RGS6: variants seen among roughly 807,000 people sequenced by gnomAD.
The protein encoded by RGS6 is regulator of G-protein signaling 6.
A neutral mutation model predicts 78.5 loss-of-function variants in RGS6; 30 were observed. The observed-to-expected ratio is 0.38, with a 90% CI of 0.29 to 0.52. The LOEUF (loss-of-function observed/expected upper bound fraction) is 0.52. Among genes scored for constraint, RGS6 ranks in the 20% least tolerant of loss-of-function variants. The pLI is 0.85. For synonymous variants in RGS6, 206 were observed against 206.0 expected, an observed-to-expected ratio of 1.00 and a Z score of 0.00; for missense variants, 495 against 609.7, an observed-to-expected ratio of 0.81 and a Z score of 1.98.
intron 17 of RGS6, chr14:72,541,564 G>T: frequency 6.5e-7 from 1 of 1,535,684 alleles, no homozygotes; most frequent in Non-Finnish European, 8.7e-7. Flanking sequence ...AGCTGCCACG[G>T]GCTGTCAGAG....
intron 2 of RGS6, among the ~76,000 whole-genome samples, chr14:72,194,359 C>G (rs2039489619): frequency 6.6e-6 from 1 of 152,160 alleles, no homozygotes; most frequent in African/African-American, 2.4e-5. Flanking sequence ...GGAACTTACA[C>G]TTTATTATTT....
At chr14:72,312,225 G>GTTTTT (rs386364170) in intron 2 of RGS6, among the ~76,000 whole-genome samples, 2 of 128,922 alleles carry the variant, frequency 1.6e-5, no homozygotes, top group Non-Finnish European at 1.7e-5. Context: ...CTGAGAAATT[G>GTTTTT]TTTTTTTTTT....
At chr14:72,141,355 C>T (rs2096536974) in intron 2 of RGS6, among the ~76,000 whole-genome samples, 1 of 152,194 alleles carries the variant, frequency 6.6e-6, no homozygotes, top group African/African-American at 2.4e-5. Flanking sequence ...TCTGTCTCTT[C>T]TGCATACCTC....
intron 8 of RGS6, among the ~76,000 whole-genome samples, chr14:72,470,345 T>G (rs966698002): frequency 2.0e-5 from 3 of 152,246 alleles, no homozygotes; most frequent in East Asian, 3.8e-4. Flanking sequence ...TATAAGAAGG[T>G]GTACCTATTT....
At chr14:72,324,568 ATTGT>A (rs1386674081) in intron 2 of RGS6, among the ~76,000 whole-genome samples, 3 of 150,050 alleles carry the variant, frequency 2.0e-5, no homozygotes, top group African/African-American at 7.4e-5. Context: ...AAGTGTACTC[ATTGT>A]TCAATTCCCA....
chr14:72,243,626 A>G (rs1322284770), intron 2 of RGS6, among the ~76,000 whole-genome samples: 1 of 152,086 alleles, frequency 6.6e-6, no homozygotes, highest in Non-Finnish European at 1.5e-5. Context: ...AGCCAGATAA[A>G]CTCTTTCCTT....
chr14:72,193,636 G>T (rs1201214957), intron 2 of RGS6, among the ~76,000 whole-genome samples: 2 of 152,176 alleles, frequency 1.3e-5, no homozygotes, highest in African/African-American at 4.8e-5. Context: ...GTGGTATGGA[G>T]AAAAAGAAAT....
intron 15 of RGS6, among the ~76,000 whole-genome samples, chr14:72,535,031 T>C (rs901283767): frequency 2.0e-5 from 3 of 152,226 alleles, no homozygotes; most frequent in African/African-American, 7.2e-5. Context: ...AGCCAAGCTT[T>C]CCTGTGCAGC....
chr14:72,320,601 A>T (rs530303726), intron 2 of RGS6, among the ~76,000 whole-genome samples: 2 of 151,772 alleles, frequency 1.3e-5, no homozygotes, highest in Admixed American at 1.3e-4. Flanking sequence ...AAATTAAAAA[A>T]TAAAAAATAA....
the RGS6 span, among the ~76,000 whole-genome samples, chr14:72,628,517 C>T: frequency 3.0e-4 from 45 of 152,052 alleles, no homozygotes; most frequent in Non-Finnish European, 1.5e-4. Context: ...CAACCCCTAA[C>T]AAAATAGTCA....
chr14:72,625,993 T>C, the RGS6 span, among the ~76,000 whole-genome samples: 1 of 152,226 alleles, frequency 6.6e-6, no homozygotes, highest in South Asian at 2.1e-4. Flanking sequence ...GTTATTTCTG[T>C]CCTTAGCTTT....
At chr14:72,519,824 A>G (rs973825066) in intron 15 of RGS6, among the ~76,000 whole-genome samples, 7 of 152,210 alleles carry the variant, frequency 4.6e-5, no homozygotes, top group African/African-American at 1.7e-4. Context: ...CCCTGCATGA[A>G]CAAGCTGAAG....
chr14:72,035,079 A>C (rs2091484103), intron 2 of RGS6, among the ~76,000 whole-genome samples: 1 of 152,102 alleles, frequency 6.6e-6, no homozygotes, highest in Non-Finnish European at 1.5e-5. Flanking sequence ...CCATTACTGT[A>C]TAGGAAAATA....
chr14:72,594,720 T>G, the RGS6 span: 1 of 152,168 alleles, frequency 6.6e-6, no homozygotes, highest in Non-Finnish European at 1.5e-5. Context: ...ACCTCAGTTG[T>G]GTTGAATTAA....
At chr14:72,560,839 T>TGTGTGTGTGTGTGTG (rs202222579) in intron 17 of RGS6, among the ~76,000 whole-genome samples, 5 of 142,492 alleles carry the variant, frequency 3.5e-5, no homozygotes, top group South Asian at 2.2e-4. Flanking sequence ...TGTGTGTGTG[T>TGTGTGTGTGTGTGTG]TTAAGATGGG....
chr14:72,599,421 T>TGAGACAGAGTC, the RGS6 span, among the ~76,000 whole-genome samples: 1 of 131,298 alleles, frequency 7.6e-6, no homozygotes, highest in African/African-American at 2.9e-5. Context: ...TTTTTTTTTT[T>TGAGACAGAGTC]TTTTTGAGAC....
In RGS6 at chr14:72,064,151, T is replaced by A. The variant is rs562852132; in HGVS notation, c.84+99276T>A. On this transcript the variant is annotated intron_variant, in intron 2 of 17. Coordinates refer to ENST00000553525, the MANE Select transcript of RGS6 (RefSeq NM_001204424.2). Reference sequence around the variant, plus strand: ...TAGGGCACTTGCAAGGGAGCAATTTTTGGGAGTGCCAAAGGCCAGGCTGGA... The same window carrying A: ...TAGGGCACTTGCAAGGGAGCAATTTATGGGAGTGCCAAAGGCCAGGCTGGA... 3.8e-3 allele frequency among the ~76,000 whole-genome samples: 577 copies of A among 152,014 alleles called. 1 individual carries two copies. The highest frequency in any genetic ancestry group is 0.014 in the African/African-American group (564 of 41,470).
intron 12 of RGS6, among the ~76,000 whole-genome samples, chr14:72,490,371 T>C (rs1380799182): frequency 1.3e-5 from 2 of 152,192 alleles, no homozygotes; most frequent in Non-Finnish European, 2.9e-5. Context: ...CTCTTTCTCT[T>C]ATAAATTGCC....
At position 72,542,328 on chromosome 14, in the gene RGS6, A is replaced by T. The variant is rs2097338045; in HGVS notation, c.1422+2234A>T. ...GATTACTTAAGATTGGAACCCAGGA[A>T]TCTGGTCTCAACAGCCCAGTGGTCT... On this transcript the variant is annotated intron_variant, in intron 17 of 17. Transcript: ENST00000553525. Among the ~76,000 whole-genome samples, 2 of 152,182 alleles carry T rather than the reference A, an allele frequency of 1.3e-5. 1 individual carries two copies. The highest frequency in any genetic ancestry group is 4.1e-4 in the South Asian group (2 of 4,830).
Sources: gnomAD v4.1 joint callset for allele counts (sites outside exome capture counted in the v4.1 genomes callset) on GRCh38, gnomAD v4.1.1 for gene constraint, MANE v1.5 for transcripts, NCBI Gene and HGNC (gene_info 2026-07-23, HGNC 2026-07-21) for gene names.